ANK2: variants seen among roughly 807,000 people sequenced by gnomAD.
The protein encoded by ANK2 is ankyrin 2, also known as ankyrin-2.
In ANK2, 83 loss-of-function variants were observed where a neutral mutation model predicts 360.5. The observed-to-expected ratio is 0.23, with a 90% CI of 0.19 to 0.28. ANK2 has a LOEUF of 0.28. Among genes scored for constraint, ANK2 ranks in the 10% least tolerant of loss-of-function variants. The probability of loss-of-function intolerance (pLI) is 1.00; values close to 1 mark genes in which losing one functional copy is unlikely to be tolerated. For missense variants in ANK2, 4,201 were observed against 4,795.7 expected (o/e 0.88, Z 3.66); for synonymous variants, 1,740 against 1,759.5 (o/e 0.99, Z 0.28).
chr4:113,312,432 G>A (rs943861438), intron 24 of ANK2, among the ~76,000 whole-genome samples: 3 of 152,094 alleles, frequency 2.0e-5, no homozygotes, highest in African/African-American at 7.2e-5. Context: ...ATACCTTAAA[G>A]TCTAAGTGAA....
At chr4:112,974,174 T>C (rs1210962361) in intron 2 of ANK2, among the ~76,000 whole-genome samples, 1 of 152,202 alleles carries the variant, frequency 6.6e-6, no homozygotes, top group Non-Finnish European at 1.5e-5. Flanking sequence ...GACACACCTC[T>C]CTTATGAATA....
intron 1 of ANK2, among the ~76,000 whole-genome samples, chr4:113,124,472 C>T (rs2095544167): frequency 6.6e-6 from 1 of 152,084 alleles, no homozygotes; most frequent in African/African-American, 2.4e-5. Flanking sequence ...TCTCACAGTG[C>T]CAGGATCTTT....
chr4:113,163,764 C>CAAAAAAAAAAAAAAAAA (rs1158530849), intron 1 of ANK2, among the ~76,000 whole-genome samples: 58 of 55,024 alleles, frequency 1.1e-3, no homozygotes, highest in African/African-American at 1.6e-3. Context: ...AACTTCGTCT[C>CAAAAAAAAAAAAAAAAA]AAAAAAAAAA....
chr4:113,167,915 G>A (rs1055919256), intron 1 of ANK2, among the ~76,000 whole-genome samples: 2 of 152,100 alleles, frequency 1.3e-5, no homozygotes, highest in Non-Finnish European at 2.9e-5. Context: ...TCTATTGATG[G>A]TGCATATAGA....
At chr4:113,077,411 A>G (rs956337705) in intron 1 of ANK2, among the ~76,000 whole-genome samples, 1 of 152,208 alleles carries the variant, frequency 6.6e-6, no homozygotes, top group South Asian at 2.1e-4. Flanking sequence ...TATTTTCAAT[A>G]AGTTTATGTG....
rs1208209114 is a variant in ANK2, at chr4:113,035,243, C to A, written c.21+130729C>A. On this transcript the variant is annotated intron_variant, in intron 2 of 30. Coordinates refer to the ANK2 transcript ENST00000503271. ...GATTTATCCAGTTGGAAAGAAAATA[C>A]AGAGGCATATTAAGCAGTTAATGAG... Among the ~76,000 whole-genome samples, 10 of 151,024 alleles carry A rather than the reference C, an allele frequency of 6.6e-5. No homozygotes were observed. The East Asian group carries it at 1.4e-3, about 21-fold the overall frequency.
chr4:113,343,235 C>T, intron 34 of ANK2, 93 bp downstream of exon 34: 2 of 1,367,586 alleles, frequency 1.5e-6, no homozygotes, highest in Non-Finnish European at 2.0e-6. Context: ...GCTTTTCAGT[C>T]ATCTTCAGAG....
rs754549609 is a variant in ANK2 at position 113,372,577 on chromosome 4, G to A, written c.11611-513G>A. 8.0e-5 allele frequency: 123 copies of A among 1,536,004 alleles called. 3 individuals carry two copies. In the South Asian group the frequency reaches 1.4e-3, roughly 18 times the overall value. On this transcript the variant is annotated intron_variant, in intron 43 of 45. Coordinates refer to ENST00000357077, the MANE Select transcript of ANK2 (RefSeq NM_001148.6). ...GGGAGCTGGAGGCCAGCTCAGATGA[G>A]GAGGCGATGGTAACTACCAGGGTTG...
chr4:112,755,007 A>G, the ANK2 span, among the ~76,000 whole-genome samples: 5 of 152,358 alleles, frequency 3.3e-5, no homozygotes, highest in South Asian at 6.2e-4. Context: ...ACTTGAAGGC[A>G]TATCATCTTA....
intron 13 of ANK2, 48 bp from the exon 14 acceptor site, chr4:113,264,849 C>A: frequency 2.0e-6 from 3 of 1,531,364 alleles, no homozygotes; most frequent in Non-Finnish European, 2.7e-6. Flanking sequence ...CTTTACCATC[C>A]AGAGCGGTGG....
chr4:112,830,179 A>G (rs1313516395), intron 1 of ANK2, among the ~76,000 whole-genome samples: 1 of 152,182 alleles, frequency 6.6e-6, no homozygotes, highest in Non-Finnish European at 1.5e-5. Flanking sequence ...AAATTGTTCT[A>G]CCATAAAGTC....
chr4:113,053,924 T>C (rs952533066), intron 1 of ANK2, among the ~76,000 whole-genome samples: 1 of 152,216 alleles, frequency 6.6e-6, no homozygotes, highest in African/African-American at 2.4e-5. Flanking sequence ...ACAGATTAGA[T>C]TAAAATAATC....
chr4:113,021,541 C>CACACACACATAT lies in ANK2; in HGVS notation c.21+117028_21+117029insCACACACATATA, dbSNP rs1489947974. 3.0e-3 allele frequency among the ~76,000 whole-genome samples: 289 copies of CACACACACATAT among 95,620 alleles called. 11 individuals are homozygous for CACACACACATAT. The highest frequency in any genetic ancestry group is 9.7e-3 in the African/African-American group (254 of 26,164). The allele number at this position is 95,620 out of a possible 152,430, so 62.7% of individuals were successfully genotyped here. ...ATACACACACACACCCACACACAAACATATATATATATATATATATATATA... is the reference window on the plus strand; with the variant it reads ...ATACACACACACACCCACACACAAACACACACACATATATATATATATATATATATATATATA... On this transcript the variant is annotated intron_variant, in intron 2 of 30. Coordinates refer to the ANK2 transcript ENST00000503271.
At chr4:112,833,711 G>C (rs1191116962) in intron 1 of ANK2, among the ~76,000 whole-genome samples, 1 of 152,126 alleles carries the variant, frequency 6.6e-6, no homozygotes, top group Admixed American at 6.5e-5. Context: ...CACCATGTTA[G>C]CCAGGATGGT....
chr4:112,908,344 A>C (rs191200890), intron 2 of ANK2, among the ~76,000 whole-genome samples: 2 of 152,338 alleles, frequency 1.3e-5, no homozygotes. Flanking sequence ...CATACTGCAA[A>C]TCACCAGCAA....
intron 2 of ANK2, among the ~76,000 whole-genome samples, chr4:113,035,485 A>C (rs1347352222): frequency 6.6e-6 from 1 of 151,890 alleles, no homozygotes; most frequent in Non-Finnish European, 1.5e-5. Flanking sequence ...TCCTCTTAGA[A>C]GCTCTGGTAA....
intron 1 of ANK2, among the ~76,000 whole-genome samples, chr4:113,168,553 C>A (rs1190197453): frequency 6.6e-6 from 1 of 152,174 alleles, no homozygotes; most frequent in African/African-American, 2.4e-5. Context: ...TGTTGAAGGA[C>A]ACCATATATG....
chr4:112,705,698 A>T, the ANK2 span, among the ~76,000 whole-genome samples: 2 of 152,230 alleles, frequency 1.3e-5, no homozygotes, highest in African/African-American at 2.4e-5. Flanking sequence ...TCAGTGGTGC[A>T]TATAGACATA....
At chr4:112,953,881 T>C (rs925353453) in intron 2 of ANK2, among the ~76,000 whole-genome samples, 1 of 152,134 alleles carries the variant, frequency 6.6e-6, no homozygotes, top group Admixed American at 6.5e-5. Context: ...AGTTTTTCAG[T>C]TTTTTAGGCA....
Sources: allele counts gnomAD v4.1 joint callset (sites outside exome capture counted in the v4.1 genomes callset), GRCh38; gene constraint gnomAD v4.1.1; transcripts MANE v1.5; gene names NCBI Gene and HGNC (gene_info 2026-07-23, HGNC 2026-07-21).